PLB1: variants seen among roughly 807,000 people sequenced by gnomAD.
PLB1 encodes phospholipase B1, also known as phospholipase B1, membrane-associated.
A neutral mutation model predicts 227.4 loss-of-function variants in PLB1; 242 were observed. The ratio of observed to expected loss-of-function variants is 1.06; its 90% CI spans 0.96 to 1.18. The LOEUF is 1.18. PLB1 is among the 50% of genes most tolerant of loss of function. PLB1 has a pLI of 0.00. For synonymous variants in PLB1, 757 were observed against 682.2 expected, an observed-to-expected ratio of 1.11 and a Z score of -1.71; for missense variants, 1,858 against 1,816.3, an observed-to-expected ratio of 1.02 and a Z score of -0.42.
chr2:28,549,331 C>T (rs986954709), intron 15 of PLB1, among the ~76,000 whole-genome samples: 9 of 150,896 alleles, frequency 6.0e-5, no homozygotes, highest in Non-Finnish European at 1.0e-4. Flanking sequence ...AAATATGTGC[C>T]TAGTATGTAG....
chr2:28,597,893 A>G (rs902238051), intron 33 of PLB1, 112 bp from the exon 34 acceptor site: 1 of 1,039,680 alleles, frequency 9.6e-7, no homozygotes, highest in Non-Finnish European at 1.5e-6. Context: ...GCCCATCTCA[A>G]AGGTGCCGAT....
intron 6 of PLB1, among the ~76,000 whole-genome samples, chr2:28,528,774 T>C (rs1347007442): frequency 6.6e-6 from 1 of 152,026 alleles, no homozygotes; most frequent in Non-Finnish European, 1.5e-5. Flanking sequence ...ATTTTATAGA[T>C]GTTCATTTTT....
intron 56 of PLB1, among the ~76,000 whole-genome samples, chr2:28,639,641 C>G (rs2148352538): frequency 6.6e-6 from 1 of 152,330 alleles, no homozygotes; most frequent in South Asian, 2.1e-4. Flanking sequence ...TCATCAAACC[C>G]TTGTAATCAC....
At chr2:28,589,162 C>A (rs901021899) in intron 26 of PLB1, among the ~76,000 whole-genome samples, 4 of 151,078 alleles carry the variant, frequency 2.6e-5, no homozygotes, top group African/African-American at 9.7e-5. Flanking sequence ...GAGACTCTGT[C>A]CCCCCAAAAA....
At position 28,594,293 on chromosome 2, in the gene PLB1, A is replaced by G; in HGVS notation, c.2321+539A>G. The G allele has an allele frequency of 7.7e-6, 2 of 258,376 alleles. 1 individual carries two copies. The allele number at this position is 258,376 out of a possible 1,614,324, so 16.0% of individuals were successfully genotyped here. A position where few individuals can be genotyped will look rare whatever the true frequency, so the allele number is the denominator to read the frequency against. ...CAATTCGACAAGAGGAAAGGGTGAG[A>G]AAGGGCATCCCGAACACGGAAGTGG... On this transcript the variant is annotated intron_variant, in intron 33 of 57. Transcript: ENST00000327757.
intron 56 of PLB1, among the ~76,000 whole-genome samples, chr2:28,634,233 G>T (rs745422338): frequency 6.6e-6 from 1 of 152,166 alleles, no homozygotes; most frequent in South Asian, 2.1e-4. Flanking sequence ...CAAGACTCCG[G>T]ATTGTAACCA....
At chr2:28,632,239 ATC>A (rs1688735323) in intron 55 of PLB1, 99 bp downstream of exon 55, 2 of 911,402 alleles carry the variant, frequency 2.2e-6, no homozygotes, top group African/African-American at 1.7e-5. Flanking sequence ...TTTTTTAACC[ATC>A]TCTCTCCAAG....
At chr2:28,598,992 T>C (rs756328006) in intron 35 of PLB1, among the ~76,000 whole-genome samples, 2 of 152,240 alleles carry the variant, frequency 1.3e-5, no homozygotes, top group East Asian at 3.8e-4. Flanking sequence ...CTTGCCTTCA[T>C]GTGCAGCATG....
chr2:28,626,334 A>AT, intron 50 of PLB1, 94 bp from the exon 51 acceptor site: 1 of 1,013,742 alleles, frequency 9.9e-7, no homozygotes, highest in Admixed American at 1.8e-5. Context: ...TAAATAAGAC[A>AT]AAAGGCACTT....
At chr2:28,546,162 C>A (rs2148215488) in intron 14 of PLB1, among the ~76,000 whole-genome samples, 1 of 152,336 alleles carries the variant, frequency 6.6e-6, no homozygotes, top group Non-Finnish European at 1.5e-5. Flanking sequence ...ACTCCTGGTG[C>A]CAAGCCGAGG....
chr2:28,499,913 A>G (rs551425747), intron 1 of PLB1, among the ~76,000 whole-genome samples: 4 of 152,170 alleles, frequency 2.6e-5, no homozygotes, highest in South Asian at 2.1e-4. Flanking sequence ...TTAATTTCTC[A>G]TCAGTAATTG....
Position 28,625,085 on chromosome 2 carries a change from G to A in PLB1, c.3556G>A (p.Val1186Ile), listed in dbSNP as rs17854228. Residue 1186 changes from valine (V) to isoleucine (I), a missense_variant, in exon 50 of 58, where the codon GTA becomes ATA. By Grantham distance (29) the Val-to-Ile change is conservative. Transcript: ENST00000327757. ...CATGCCAGCCCAGGCCTGGGACCTGGTAGAGCGAATGAAAAACAGCCCCGT... is the reference window on the plus strand; with the variant it reads ...CATGCCAGCCCAGGCCTGGGACCTGATAGAGCGAATGAAAAACAGCCCCGT... The part of the protein sequence containing the change: ...RDMPAQAWDL[V>I]ERMKNSPDIN... The A allele has an allele frequency of 1.9e-6, 3 of 1,613,534 alleles. No homozygotes were observed. In the South Asian group the frequency reaches 3.3e-5, roughly 18 times the overall value.
At chr2:28,620,839 C>T (rs1686943874) in intron 48 of PLB1, 40 bp from the exon 49 acceptor site, 4 of 1,564,094 alleles carry the variant, frequency 2.6e-6, no homozygotes, top group Non-Finnish European at 3.5e-6. Context: ...GTCCTGCAGG[C>T]TCTCACCTGT....
rs769464887 is a variant in PLB1, at chr2:28,618,382, C to T, written c.3298C>T (p.Leu1100=). The T allele has an allele frequency of 6.2e-7, 1 of 1,614,116 alleles. No individual in the cohort carries two copies. Reference sequence around the variant, plus strand: ...AGCAGACATCAAAGTGGTGGCCGCCCTGGGTGACTCTCTGACTGTGAGTAG... The same window carrying T: ...AGCAGACATCAAAGTGGTGGCCGCCTTGGGTGACTCTCTGACTGTGAGTAG... ...RPADIKVVAA[L]GDSLTTAVGA... The change falls in exon 46 of 58, where the codon CTG becomes TTG. Residue 1100 remains leucine, a synonymous_variant. Transcript: ENST00000327757.
At chr2:28,542,926 A>C (rs1230747951) in intron 13 of PLB1, among the ~76,000 whole-genome samples, 1 of 152,164 alleles carries the variant, frequency 6.6e-6, no homozygotes, top group Non-Finnish European at 1.5e-5. Flanking sequence ...CACCTGAATC[A>C]TTCCCTGCCA....
At chr2:28,633,932 C>T (rs1688995340) in intron 56 of PLB1, among the ~76,000 whole-genome samples, 1 of 152,152 alleles carries the variant, frequency 6.6e-6, no homozygotes, top group Non-Finnish European at 1.5e-5. Context: ...CAGTTTCAGG[C>T]CCATAGTGTC....
chr2:28,593,722 T>C lies in PLB1; in HGVS notation c.2289T>C (p.Asp763=), dbSNP rs768465888. 2 of 1,614,154 alleles carry C rather than the reference T, an allele frequency of 1.2e-6. No homozygotes were observed. The highest frequency in any genetic ancestry group is 1.7e-6 in the Non-Finnish European group (2 of 1,180,022). The stretch of plus-strand genomic sequence containing the variant: ...GCTCCAAACCAGACGACCTCCCCGA[T>C]GTCACCACACAGTATCGGGGACTGT... The part of the protein sequence containing the change: ...GIGSKPDDLP[D]VTTQYRGLSY... Residue 763 remains aspartate (D), a synonymous_variant, in exon 33 of 58, where the codon GAT becomes GAC. Coordinates refer to ENST00000327757, the MANE Select transcript of PLB1 (RefSeq NM_153021.5).
At chr2:28,608,950 C>T (rs1410480856) in intron 43 of PLB1, among the ~76,000 whole-genome samples, 3 of 152,054 alleles carry the variant, frequency 2.0e-5, no homozygotes, top group Admixed American at 2.0e-4. Context: ...GGTCTTGCTC[C>T]GTCTCCCAGG....
chr2:28,596,380 A>G (rs1682916651), intron 33 of PLB1, among the ~76,000 whole-genome samples: 1 of 152,228 alleles, frequency 6.6e-6, no homozygotes, highest in South Asian at 2.1e-4. Context: ...TTTTCACTTT[A>G]AAATGGAAGT....
Sources: gnomAD v4.1 joint callset for allele counts (sites outside exome capture counted in the v4.1 genomes callset) on GRCh38, gnomAD v4.1.1 for gene constraint, MANE v1.5 for transcripts, NCBI Gene and HGNC (gene_info 2026-07-23, HGNC 2026-07-21) for gene names.